Variants in DNAH5 observed in about 807,000 individuals in gnomAD.
The protein encoded by DNAH5 is dynein axonemal heavy chain 5.
DNAH5 carries 372 observed loss-of-function variants against 518.2 expected under a neutral mutation model. The ratio of observed to expected loss-of-function variants is 0.72; its 90% CI spans 0.66 to 0.78. The LOEUF is 0.78. Ranked by LOEUF, DNAH5 falls within the 30% of genes least tolerant of loss-of-function variation. The pLI, the probability that DNAH5 is intolerant of heterozygous loss-of-function variation, is 0.00. For missense variants in DNAH5, 5,523 were observed against 5,687.0 expected (o/e 0.97, Z 0.93); for synonymous variants, 2,039 against 2,025.9 (o/e 1.01, Z -0.17).
In DNAH5 at chr5:13,840,999, G is replaced by A. The variant is rs145129897; in HGVS notation, c.5616C>T (p.Asp1872=). 1.2e-5 allele frequency: 19 copies of A among 1,614,018 alleles called. No individual in the cohort carries two copies. Among genetic ancestry groups the A allele is most frequent in the South Asian group, 4.4e-5 (4 of 91,076 alleles). ...TGGAACTCAGATCCCTCGTGGTGAC[G>A]TCTATCAATGTATTGAGTAGCTCCA... ...AFLELLNTLI[D]VTTRDLSSTE... Residue 1872 remains aspartate (D), a synonymous_variant, in exon 34 of 79, where the codon GAC becomes GAT. Coordinates refer to ENST00000265104, the MANE Select transcript of DNAH5 (RefSeq NM_001369.3).
chr5:13,749,674 A>G (rs754595991), intron 65 of DNAH5, among the ~76,000 whole-genome samples: 4 of 152,194 alleles, frequency 2.6e-5, no homozygotes, highest in Non-Finnish European at 4.4e-5. Flanking sequence ...CCTTATCTCC[A>G]TGAAGCCAAG....
chr5:13,854,875 C>A (rs1767398740), intron 30 of DNAH5, among the ~76,000 whole-genome samples: 1 of 152,162 alleles, frequency 6.6e-6, no homozygotes, highest in Admixed American at 6.5e-5. Flanking sequence ...AAAGCAAGTT[C>A]TTAGAGACCT....
chr5:14,008,771 A>G (rs1053305172), intron 1 of DNAH5, among the ~76,000 whole-genome samples: 4 of 152,246 alleles, frequency 2.6e-5, no homozygotes, highest in African/African-American at 4.8e-5. Flanking sequence ...TAGGTACTTA[A>G]TAAGTATTTA....
At chr5:13,966,392 T>C (rs1781533779) in intron 1 of DNAH5, among the ~76,000 whole-genome samples, 1 of 152,250 alleles carries the variant, frequency 6.6e-6, no homozygotes, top group Non-Finnish European at 1.5e-5. Flanking sequence ...GTGGAATTAC[T>C]GGATCAAATG....
At chr5:13,950,575 C>T (rs1394122666) in intron 1 of DNAH5, among the ~76,000 whole-genome samples, 2 of 152,148 alleles carry the variant, frequency 1.3e-5, no homozygotes, top group African/African-American at 4.8e-5. Context: ...CACACCCAGC[C>T]GTATTCTTTG....
chr5:13,728,088 T>G (rs1321761122), intron 69 of DNAH5, among the ~76,000 whole-genome samples: 1 of 152,224 alleles, frequency 6.6e-6, no homozygotes, highest in Non-Finnish European at 1.5e-5. Flanking sequence ...AGAAGACATT[T>G]AACACATGTT....
In DNAH5 at chr5:13,817,577, A is replaced by G; in HGVS notation, c.6959T>C (p.Leu2320Pro). 1.2e-6 allele frequency: 2 copies of G among 1,614,172 alleles called. No homozygotes were observed. The highest frequency in any genetic ancestry group is 1.1e-5 in the South Asian group (1 of 91,084). The change falls in exon 42 of 79, where the codon CTT becomes CCT. Residue 2320 changes from leucine to proline, a missense_variant. Physicochemically the swap from Leu to Pro is moderately conservative, Grantham distance 98 (BLOSUM62 -3). Transcript: ENST00000265104. ...NDWTDGIFST[L>P]WRKTLRAKKG... ...CTTTGCTCTTAATGTTTTCCTCCAA[A>G]GCGTAGAAAATATCCCATCAGTCCA...
chr5:13,811,104 G>A (rs919680441), intron 44 of DNAH5, among the ~76,000 whole-genome samples: 1 of 152,084 alleles, frequency 6.6e-6, no homozygotes, highest in Non-Finnish European at 1.5e-5. Context: ...GAGGGGTGAG[G>A]AAATGGGGAT....
Position 13,872,862 on chromosome 5 carries a change from T to C in DNAH5, c.3397-1097A>G, listed in dbSNP as rs537990973. ...CACCTGTCTTAAGAATATCTTTGCA[T>C]ATGGTTCTCACTCATAAGTTAGTGC... is the stretch of plus-strand genomic sequence containing the variant. On this transcript the variant is annotated intron_variant, in intron 22 of 78. Coordinates refer to ENST00000265104, the MANE Select transcript of DNAH5 (RefSeq NM_001369.3). Among the ~76,000 whole-genome samples, 3 of 152,212 alleles carry C rather than the reference T, an allele frequency of 2.0e-5. No homozygotes were observed. In the South Asian group the frequency reaches 6.2e-4, roughly 32 times the overall value.
intron 65 of DNAH5, among the ~76,000 whole-genome samples, chr5:13,746,996 G>A (rs1052205248): frequency 2.5e-4 from 38 of 151,898 alleles, no homozygotes; most frequent in Middle Eastern, 3.4e-3. Flanking sequence ...CCATTAACTC[G>A]TCATTTACAT....
chr5:13,748,375 T>C (rs1439506064), intron 65 of DNAH5, among the ~76,000 whole-genome samples: 3 of 152,290 alleles, frequency 2.0e-5, no homozygotes, highest in Admixed American at 2.0e-4. Context: ...TTTTTTTGGT[T>C]CCATATGAAC....
rs548737652 is a variant in DNAH5 at position 13,942,747 on chromosome 5, C to A, written c.57+1635G>T. On this transcript the variant is annotated intron_variant, in intron 1 of 78. Coordinates refer to ENST00000265104, the MANE Select transcript of DNAH5 (RefSeq NM_001369.3). ...CATTGATGTCTCCTCTAAGCACTTT[C>A]CTATCCACTGACCCCTGCCCTGCTC... Among the ~76,000 whole-genome samples the A allele has an allele frequency of 9.9e-5, 15 of 152,256 alleles. No homozygotes were observed. In the South Asian group the frequency reaches 1.7e-3, roughly 17 times the overall value.
At chr5:13,853,869 T>C (rs993147115) in intron 30 of DNAH5, among the ~76,000 whole-genome samples, 7 of 151,946 alleles carry the variant, frequency 4.6e-5, no homozygotes, top group African/African-American at 1.7e-4. Context: ...AATATGAGAC[T>C]ATGTGAAAAG....
intron 1 of DNAH5, among the ~76,000 whole-genome samples, chr5:13,984,095 G>A (rs1053616717): frequency 1.3e-5 from 2 of 152,152 alleles, no homozygotes; most frequent in African/African-American, 2.4e-5. Context: ...AGACAAGCAG[G>A]AGAGGGGGGC....
At chr5:13,798,967 T>C (rs956832957) in intron 47 of DNAH5, among the ~76,000 whole-genome samples, 3 of 151,942 alleles carry the variant, frequency 2.0e-5, no homozygotes, top group Non-Finnish European at 4.4e-5. Context: ...GATTTCACTA[T>C]GTTGGCCAAG....
At chr5:13,786,983 G>A (rs553897631) in intron 51 of DNAH5, among the ~76,000 whole-genome samples, 266 of 152,162 alleles carry the variant, frequency 1.7e-3, no homozygotes, top group Non-Finnish European at 3.1e-3. Context: ...CAAAGCAGAG[G>A]CCAAGGTGGG....
chr5:13,746,783 T>G (rs6896783), intron 65 of DNAH5, among the ~76,000 whole-genome samples: 1 of 151,884 alleles, frequency 6.6e-6, no homozygotes, highest in African/African-American at 2.4e-5. Context: ...CTTTTACCCT[T>G]GGCTCATTTT....
chr5:13,862,443 G>A, intron 29 of DNAH5, 105 bp downstream of exon 29: 1 of 1,104,314 alleles, frequency 9.1e-7, no homozygotes. Flanking sequence ...TTTCAACATT[G>A]AGTAAACTAT....
upstream of DNAH5, among the ~76,000 whole-genome samples, chr5:13,947,697 T>C (rs1299121166): frequency 6.6e-6 from 1 of 152,206 alleles, no homozygotes; most frequent in East Asian, 1.9e-4. Flanking sequence ...TTTTATCAGT[T>C]ACTAGCTACA....
Sources: gnomAD v4.1 joint callset for allele counts (sites outside exome capture counted in the v4.1 genomes callset) on GRCh38, gnomAD v4.1.1 for gene constraint, MANE v1.5 for transcripts, NCBI Gene and HGNC (gene_info 2026-07-23, HGNC 2026-07-21) for gene names.